EXOC1: variants seen among roughly 807,000 people sequenced by gnomAD.
The protein encoded by EXOC1 is exocyst complex component 1, also known as SEC3-like 1.
EXOC1 carries 67 observed loss-of-function variants against 107.7 expected under a neutral mutation model. That is an observed-to-expected ratio of 0.62 (90% confidence interval 0.51 to 0.76). The LOEUF is 0.76. Among genes scored for constraint, EXOC1 ranks in the 30% least tolerant of loss-of-function variants. The pLI is 0.00. For missense variants in EXOC1, 833 were observed against 1,055.7 expected (o/e 0.79, Z 2.92); for synonymous variants, 348 against 353.5 (o/e 0.98, Z 0.17).
intron 18 of EXOC1, 150 bp from the exon 19 acceptor site, chr4:55,904,193 G>A (rs933443350): frequency 4.7e-6 from 3 of 641,922 alleles, no homozygotes; most frequent in Middle Eastern, 4.7e-4. Context: ...AAATCTTGTA[G>A]GTAAAAGTGA....
chr4:55,870,610 C>G, intron 5 of EXOC1, 68 bp from the exon 6 acceptor site: 1 of 1,451,262 alleles, frequency 6.9e-7, no homozygotes. Context: ...TTTTACACAT[C>G]TAAATAACAA....
intron 5 of EXOC1, among the ~76,000 whole-genome samples, chr4:55,869,884 TTA>T (rs1722274255): frequency 6.6e-6 from 1 of 152,230 alleles, no homozygotes; most frequent in Non-Finnish European, 1.5e-5. Flanking sequence ...GCTTAGTGAT[TTA>T]TATTTTTTGT....
At position 55,853,698 on chromosome 4, in the gene EXOC1, C is replaced by T. The variant is rs1476541383; in HGVS notation, c.-266C>T. The T allele has an allele frequency of 2.0e-5, 3 of 152,394 alleles. No individual in the cohort carries two copies. The highest frequency in any genetic ancestry group is 3.9e-4 in the East Asian group (2 of 5,188). 9.4% of individuals were successfully genotyped at this position (152,394 alleles called of 1,614,324 possible). A position where few individuals can be genotyped will look rare whatever the true frequency, so the allele number is the denominator to read the frequency against. On this transcript the variant is annotated 5_prime_UTR_variant, in exon 1 of 19. Coordinates refer to ENST00000381295, the MANE Select transcript of EXOC1 (RefSeq NM_001024924.2). Reference sequence around the variant, plus strand: ...GAAGTGTTGGGGGAACGGCCGCTTCCCGTTCAACGCTTTATTGAGGGGCGT... The same window carrying T: ...GAAGTGTTGGGGGAACGGCCGCTTCTCGTTCAACGCTTTATTGAGGGGCGT...
Position 55,896,911 on chromosome 4 carries a change from G to C in EXOC1, c.2137+11G>C, listed in dbSNP as rs773459467. ...GAGTATTTGTTAATGGTAAGCTTTTGTTATGTTCTAAAGAATTGTTATAGC... is the reference window on the plus strand; with the variant it reads ...GAGTATTTGTTAATGGTAAGCTTTTCTTATGTTCTAAAGAATTGTTATAGC... On this transcript the variant is annotated intron_variant, in intron 16 of 18. Coordinates refer to ENST00000381295, the MANE Select transcript of EXOC1 (RefSeq NM_001024924.2). 142 of 1,574,062 alleles carry C rather than the reference G, an allele frequency of 9.0e-5. No homozygotes were observed. The highest frequency in any genetic ancestry group is 1.1e-4 in the Non-Finnish European group (133 of 1,167,524).
At chr4:55,868,990 G>A (rs1195416032) in intron 5 of EXOC1, among the ~76,000 whole-genome samples, 1 of 152,200 alleles carries the variant, frequency 6.6e-6, no homozygotes, top group Admixed American at 6.5e-5. Context: ...AGGAGAGCCA[G>A]AGAAAAAGAT....
intron 1 of EXOC1, among the ~76,000 whole-genome samples, chr4:55,856,589 T>A (rs1439330039): frequency 6.6e-6 from 1 of 152,214 alleles, no homozygotes; most frequent in Non-Finnish European, 1.5e-5. Context: ...AATCATGATT[T>A]CTTCATTTTC....
chr4:55,890,167 A>G, intron 11 of EXOC1, 56 bp from the exon 12 acceptor site: 12 of 1,552,128 alleles, frequency 7.7e-6, no homozygotes, highest in Non-Finnish European at 9.8e-6. Context: ...CCTGCTTTAT[A>G]CTTTGGATCA....
intron 9 of EXOC1, among the ~76,000 whole-genome samples, chr4:55,882,440 A>G (rs1723491531): frequency 6.6e-6 from 1 of 152,234 alleles, no homozygotes; most frequent in South Asian, 2.1e-4. Context: ...GTGCCAGGAA[A>G]AAAGGTATCT....
intron 10 of EXOC1, among the ~76,000 whole-genome samples, chr4:55,888,649 C>T (rs1031966778): frequency 1.3e-5 from 2 of 150,918 alleles, no homozygotes; most frequent in African/African-American, 4.9e-5. Context: ...ATAGATATTT[C>T]TACCTGAATA....
intron 9 of EXOC1, among the ~76,000 whole-genome samples, chr4:55,881,134 G>A (rs531141411): frequency 6.6e-6 from 1 of 152,270 alleles, no homozygotes; most frequent in African/African-American, 2.4e-5. Context: ...TACTGAGGCT[G>A]AATCTAAGCA....
At chr4:55,865,657 ATAT>A (rs953096649) in intron 4 of EXOC1, among the ~76,000 whole-genome samples, 67 of 152,256 alleles carry the variant, frequency 4.4e-4, no homozygotes, top group African/African-American at 1.5e-3. Context: ...CTGTCTTCAA[ATAT>A]TATGCATTTC....
At chr4:55,903,640 G>A (rs988105762) in intron 18 of EXOC1, among the ~76,000 whole-genome samples, 1 of 152,048 alleles carries the variant, frequency 6.6e-6, no homozygotes, top group Admixed American at 6.6e-5. Context: ...CCCTCACCAG[G>A]TCATCATGAG....
At chr4:55,857,020 G>A (rs1028183383) in intron 1 of EXOC1, among the ~76,000 whole-genome samples, 2 of 151,714 alleles carry the variant, frequency 1.3e-5, no homozygotes, top group Non-Finnish European at 2.9e-5. Flanking sequence ...TTATATTTCT[G>A]TATCTATGGA....
At chr4:55,895,098 G>A (rs1725048922) in intron 15 of EXOC1, among the ~76,000 whole-genome samples, 1 of 152,118 alleles carries the variant, frequency 6.6e-6, no homozygotes, top group African/African-American at 2.4e-5. Flanking sequence ...CACTGAAGAG[G>A]AGGGTGGTTT....
chr4:55,858,465 AAGAGT>A lies in EXOC1; in HGVS notation c.124+20_124+24del. The A allele has an allele frequency of 6.4e-7, 1 of 1,569,320 alleles. No homozygotes were observed. The highest frequency in any genetic ancestry group is 1.9e-5 in the Admixed American group (1 of 51,420). ...TGCCACAGGTGGGTATTTAGTAAGA[AAGAGT>A]ACTTGTTTTGTATCCTTTTATTATT... On this transcript the variant is annotated intron_variant, in intron 2 of 18. Transcript: ENST00000381295.
chr4:55,883,092 T>A (rs753433574), intron 9 of EXOC1: 1 of 152,162 alleles, frequency 6.6e-6, no homozygotes, highest in Non-Finnish European at 1.5e-5. Flanking sequence ...CGAGAATTAA[T>A]CAAATCTGTT....
At chr4:55,890,201 T>G in intron 11 of EXOC1, 22 bp from the exon 12 acceptor site, 1 of 1,611,442 alleles carries the variant, frequency 6.2e-7, no homozygotes, top group Non-Finnish European at 8.5e-7. Flanking sequence ...ATCACAACTT[T>G]CAAAGTTTTA....
rs1723047670 is a variant in EXOC1 at position 55,877,925 on chromosome 4, T to G, written c.1083T>G (p.Asp361Glu). 1.2e-6 allele frequency: 2 copies of G among 1,613,634 alleles called. No individual in the cohort carries two copies. The highest frequency in any genetic ancestry group is 2.2e-5 in the South Asian group (2 of 91,076). Residue 361 changes from aspartate to glutamate, a missense_variant, in exon 9 of 19, where the codon GAT becomes GAG. This residue lies in a region of EXOC1 where 617 missense variants were observed against 701.3 expected (regional missense o/e 0.88). Coordinates refer to ENST00000381295, the MANE Select transcript of EXOC1 (RefSeq NM_001024924.2). ...TATTTTACTCACTTTAGGGTCATGA[T>G]CAGAGTTCGACTCTTGCCCAACACT... ...LNNVFVQQGH[D>E]QSSTLAQHSV...
Position 55,870,679 on chromosome 4 carries a change from C to G in EXOC1, c.605C>G (p.Ala202Gly). ...TTGTTTTGGTCTTTAACTTTGTAGG[C>G]TAACATCCAGTCAATCATGGCATCT... ...LSRELQVLDG[A>G]NIQSIMASEK... Residue 202 changes from alanine to glycine, a missense_variant and splice_region_variant, in exon 6 of 19, where the codon GCT becomes GGT. Coordinates refer to ENST00000381295, the MANE Select transcript of EXOC1 (RefSeq NM_001024924.2). 6.2e-7 allele frequency: 1 copy of G among 1,611,516 alleles called. No homozygotes were observed. Among genetic ancestry groups the G allele is most frequent in the Non-Finnish European group, 8.5e-7 (1 of 1,178,642 alleles).
Sources: allele counts gnomAD v4.1 joint callset (sites outside exome capture counted in the v4.1 genomes callset), GRCh38; gene constraint gnomAD v4.1.1; regional missense constraint gnomAD v4.1.1; transcripts MANE v1.5; gene names NCBI Gene and HGNC (gene_info 2026-07-23, HGNC 2026-07-21).